Variants in SCRIB observed in about 807,000 individuals in gnomAD.
SCRIB encodes the protein scribble planar cell polarity protein.
A neutral mutation model predicts 170.0 loss-of-function variants in SCRIB; 72 were observed. That is an observed-to-expected ratio of 0.42 (90% CI 0.35 to 0.52). The LOEUF (loss-of-function observed/expected upper bound fraction) is 0.52. SCRIB is among the 20% of genes least tolerant of loss of function. The probability of loss-of-function intolerance (pLI) is 0.02; values close to 1 mark genes in which losing one functional copy is unlikely to be tolerated. For missense variants in SCRIB, 2,475 were observed against 2,338.5 expected (o/e 1.06, Z -1.20); for synonymous variants, 1,298 against 1,044.3 (o/e 1.24, Z -4.68).
Position 143,792,994 on chromosome 8 carries a change from A to G in SCRIB, c.3999T>C (p.Pro1333=). The G allele has an allele frequency of 6.6e-7, 1 of 1,511,108 alleles. No individual in the cohort carries two copies. The highest frequency in any genetic ancestry group is 1.3e-5 in the South Asian group (1 of 78,220). 93.6% of individuals were successfully genotyped at this position (1,511,108 alleles called of 1,614,324 possible). A position where few individuals can be genotyped will look rare whatever the true frequency, so the allele number is the denominator to read the frequency against. The stretch of plus-strand genomic sequence containing the variant: ...CACACACCTGGGCAGGGGCATCCTC[A>G]GGCGGGTGAGAAGTGGGCACGGCCG... The part of the protein sequence containing the change: ...AFAAVPTSHP[P]EDAPAQPPTP... The change falls in exon 29 of 37, where the codon CCT becomes CCC. Residue 1333 remains proline, a synonymous_variant. Transcript: ENST00000356994.
chr8:143,808,098 G>A (rs1266460622), intron 15 of SCRIB, among the ~76,000 whole-genome samples: 1 of 152,026 alleles, frequency 6.6e-6, no homozygotes, highest in African/African-American at 2.4e-5. Context: ...CGGGCCTGCA[G>A]TGCCCAACAC....
At chr8:143,813,578 G>A (rs771047008) in intron 4 of SCRIB, 52 bp from the exon 5 acceptor site, 17 of 1,612,356 alleles carry the variant, frequency 1.1e-5, no homozygotes, top group South Asian at 6.6e-5. Flanking sequence ...AGTGGCAGCA[G>A]GGGCAGGGCC....
At position 143,807,521 on chromosome 8, in the gene SCRIB, C is replaced by T. The variant is rs781839708; in HGVS notation, c.2178+31G>A. The T allele has an allele frequency of 2.4e-5, 39 of 1,595,266 alleles. No homozygotes were observed. In the South Asian group the frequency reaches 4.1e-4, roughly 17 times the overall value. ...CCCGGGAAGCAAGGCCAGCAGCGGCCCGGCCAGAGTGCAGAGCGAGCAGTA... is the reference window on the plus strand; with the variant it reads ...CCCGGGAAGCAAGGCCAGCAGCGGCTCGGCCAGAGTGCAGAGCGAGCAGTA... On this transcript the variant is annotated intron_variant, in intron 16 of 36. Transcript: ENST00000356994.
At chr8:143,807,174 G>A (rs1815467084) in intron 16 of SCRIB, among the ~76,000 whole-genome samples, 161 bp from the exon 17 acceptor site, 1 of 152,258 alleles carries the variant, frequency 6.6e-6, no homozygotes, top group Non-Finnish European at 1.5e-5. Context: ...CCAGACGCCA[G>A]CTGGAGAAGC....
chr8:143,809,945 G>A (rs1378638244), intron 13 of SCRIB, among the ~76,000 whole-genome samples: 1 of 152,178 alleles, frequency 6.6e-6, no homozygotes, highest in African/African-American at 2.4e-5. Context: ...CCAGCCCCAA[G>A]GAAAGCCTTT....
rs1820075927 is a variant in SCRIB at position 143,791,454 on chromosome 8, AGT to A, written c.4771-16_4771-15del. On this transcript the variant is annotated splice_polypyrimidine_tract_variant and intron_variant, in intron 35 of 36. Transcript: ENST00000356994. ...AAAGTCCGGTGACTGTGATGGGGAG[AGT>A]GTTGGTCAGGCCGGTGCCAGCCCTG... 6.2e-7 allele frequency: 1 copy of A among 1,608,736 alleles called. No individual in the cohort carries two copies. Among genetic ancestry groups the A allele is most frequent in the Non-Finnish European group, 8.5e-7 (1 of 1,178,354 alleles).
chr8:143,813,154 T>C, intron 6 of SCRIB, 50 bp from the exon 7 acceptor site: 1 of 1,579,296 alleles, frequency 6.3e-7, no homozygotes, highest in South Asian at 1.1e-5. Flanking sequence ...AGCCTCCTGC[T>C]GCGCCGTGCT....
intron 24 of SCRIB, among the ~76,000 whole-genome samples, chr8:143,796,237 C>T (rs535045332): frequency 6.6e-6 from 1 of 152,286 alleles, no homozygotes; most frequent in East Asian, 1.9e-4. Flanking sequence ...GACTTCCAAG[C>T]CTGCGGCGGG....
intron 24 of SCRIB, among the ~76,000 whole-genome samples, chr8:143,801,953 G>A (rs1332978243): frequency 3.9e-5 from 6 of 152,246 alleles, no homozygotes; most frequent in South Asian, 2.1e-4. Flanking sequence ...CGACAGCAGC[G>A]CGGCACGCCG....
rs145142316 is a variant in SCRIB at position 143,808,621 on chromosome 8, C to T, written c.2103G>A (p.Ala701=). 7.1e-4 allele frequency: 1,070 copies of T among 1,511,112 alleles called. No homozygotes were observed. The highest frequency in any genetic ancestry group is 2.5e-3 in the Middle Eastern group (14 of 5,574). 93.6% of individuals were successfully genotyped at this position (1,511,112 alleles called of 1,614,324 possible). A position where few individuals can be genotyped will look rare whatever the true frequency, so the allele number is the denominator to read the frequency against. Residue 701 remains alanine, a synonymous_variant, in exon 15 of 37, where the codon GCG becomes GCA. Coordinates refer to ENST00000356994, the MANE Select transcript of SCRIB (RefSeq NM_182706.5). ...GGCTGACACCAACCTTGACAGAGGG[C>T]GCAGAAACCACGGCCCCCTCCTTGT... ...EEDKEGAVVS[A]PSVKGVSFDQ...
Position 143,808,964 on chromosome 8 carries a change from C to T in SCRIB, c.1760G>A (p.Gly587Glu). 1 of 1,613,154 alleles carries T rather than the reference C, an allele frequency of 6.2e-7. No individual in the cohort carries two copies. Among genetic ancestry groups the T allele is most frequent in the Non-Finnish European group, 8.5e-7 (1 of 1,179,994 alleles). ...LPGDDREIEE[G>E]QPEAPWTLPG... ...CAGGGTCCAGGGGGCCTCAGGCTGC[C>T]CCTCCTCGATCTCCCTGTCATCCCC... The change falls in exon 15 of 37, where the codon GGG (glycine) becomes GAG (glutamate). Residue 587 changes from glycine (G) to glutamate (E), a missense_variant. By Grantham distance (98) the Gly-to-Glu change is moderately conservative. This residue lies in a region of SCRIB where 1,966 missense variants were observed against 1,742.9 expected (regional missense o/e 1.13). Transcript: ENST00000356994.
rs374610711 is a variant in SCRIB, at chr8:143,808,618, G to A, written c.2106C>T (p.Pro702=). Reference sequence around the variant, plus strand: ...TGAGGCTGACACCAACCTTGACAGAGGGCGCAGAAACCACGGCCCCCTCCT... The same window carrying A: ...TGAGGCTGACACCAACCTTGACAGAAGGCGCAGAAACCACGGCCCCCTCCT... ...EDKEGAVVSA[P]SVKGVSFDQA... The change falls in exon 15 of 37, where the codon CCC becomes CCT. Residue 702 remains proline, a synonymous_variant. Coordinates refer to ENST00000356994, the MANE Select transcript of SCRIB (RefSeq NM_182706.5). 2.6e-5 allele frequency: 40 copies of A among 1,510,384 alleles called. 2 individuals carry two copies. The South Asian group carries it at 4.6e-4, about 17-fold the overall frequency. The allele number at this position is 1,510,384 out of a possible 1,614,324, so 93.6% of individuals were successfully genotyped here.
At chr8:143,797,928 C>G (rs1815012807) in intron 24 of SCRIB, among the ~76,000 whole-genome samples, 1 of 152,244 alleles carries the variant, frequency 6.6e-6, no homozygotes, top group Admixed American at 6.5e-5. Flanking sequence ...TGCAACTTTT[C>G]TCTAAGTTTA....
In SCRIB at chr8:143,813,740, A is replaced by C. The variant is rs540882216; in HGVS notation, c.357-14T>G. 97 of 1,613,252 alleles carry C rather than the reference A, an allele frequency of 6.0e-5. No homozygotes were observed. In the South Asian group the frequency reaches 1.0e-3, roughly 17 times the overall value. ...CCATCAGGGAGCCTGGATGGGAGGAAGCAGAGGCCCTCGGATGACCAGTCC... is the reference window on the plus strand; with the variant it reads ...CCATCAGGGAGCCTGGATGGGAGGACGCAGAGGCCCTCGGATGACCAGTCC... On this transcript the variant is annotated splice_polypyrimidine_tract_variant and intron_variant, in intron 3 of 36. Transcript: ENST00000356994.
At position 143,812,286 on chromosome 8, in the gene SCRIB, G is replaced by C. The variant is rs1017970683; in HGVS notation, c.886C>G (p.Leu296Val). 1.2e-6 allele frequency: 2 copies of C among 1,610,964 alleles called. No homozygotes were observed. The highest frequency in any genetic ancestry group is 1.7e-6 in the Non-Finnish European group (2 of 1,177,344). Residue 296 changes from leucine (L) to valine (V), a missense_variant, in exon 9 of 37, where the codon CTC (leucine) becomes GTC (valine). Coordinates refer to ENST00000356994, the MANE Select transcript of SCRIB (RefSeq NM_182706.5). ...GDCENLSELILTENLLMALPR... is the reference protein window; with the variant it reads ...GDCENLSELIVTENLLMALPR... The stretch of plus-strand genomic sequence containing the variant: ...CCTACCATCAGCAGGTTCTCCGTGA[G>C]GATCAGCTCAGAGAGGTTCTCACAG...
At chr8:143,807,083 C>A in intron 16 of SCRIB, 70 bp from the exon 17 acceptor site, 1 of 1,108,074 alleles carries the variant, frequency 9.0e-7, no homozygotes, top group Admixed American at 2.1e-5. Context: ...GCAGGAGACC[C>A]CACCAGCACG....
intron 24 of SCRIB, among the ~76,000 whole-genome samples, chr8:143,799,563 A>G (rs1440969837): frequency 6.6e-6 from 1 of 152,162 alleles, no homozygotes; most frequent in African/African-American, 2.4e-5. Flanking sequence ...GCGCACACCC[A>G]CCTAGGTTTG....
In SCRIB at chr8:143,792,785, A is replaced by G; in HGVS notation, c.4100T>C (p.Val1367Ala). ...RQKYFELEVR[V>A]PQAEGPPKRV... ...CTTAGGGGGGCCCTCGGCCTGGGGC[A>G]CGCGCACCTCCAGCTCAAAGTACTT... Residue 1367 changes from valine to alanine, a missense_variant, in exon 30 of 37, where the codon GTG (valine) becomes GCG (alanine). Physicochemically the swap from Val to Ala is moderately conservative, Grantham distance 64 (BLOSUM62 0). Transcript: ENST00000356994. 1 of 1,580,842 alleles carries G rather than the reference A, an allele frequency of 6.3e-7. No homozygotes were observed. Among genetic ancestry groups the G allele is most frequent in the Admixed American group, 1.8e-5 (1 of 57,120 alleles).
rs769878300 is a variant in SCRIB, at chr8:143,809,563, C to A, written c.1686G>T (p.Glu562Asp). ...TTAGGEEDAE[E>D]DYQEPTVHFA... ...TGCCAATCCACACCTCCTGGTAGTC[C>A]TCTTCGGCGTCTTCCTCCCCGCCAG... Residue 562 changes from glutamate (E) to aspartate (D), a missense_variant, in exon 14 of 37, where the codon GAG (glutamate) becomes GAT (aspartate). Transcript: ENST00000356994. The A allele has an allele frequency of 6.2e-7, 1 of 1,610,984 alleles. No homozygotes were observed. Among genetic ancestry groups the A allele is most frequent in the Non-Finnish European group, 8.5e-7 (1 of 1,179,556 alleles).
Sources: allele counts gnomAD v4.1 joint callset (sites outside exome capture counted in the v4.1 genomes callset), GRCh38; gene constraint gnomAD v4.1.1; regional missense constraint gnomAD v4.1.1; transcripts MANE v1.5; gene names NCBI Gene and HGNC (gene_info 2026-07-23, HGNC 2026-07-21).